The following PHKG2 variants were observed in gnomAD, a reference collection of about 807,000 sequenced individuals.
PHKG2 encodes phosphorylase b kinase gamma catalytic chain, liver/testis isoform.
Under a neutral mutation model 44.5 loss-of-function variants are expected in PHKG2, and 28 were observed. The observed-to-expected ratio is 0.63, with a 90% CI of 0.47 to 0.86. The LOEUF is 0.86. Ranked by LOEUF, PHKG2 falls within the 40% of genes least tolerant of loss-of-function variation. PHKG2 has a pLI of 0.00. For synonymous variants in PHKG2, 220 were observed against 211.2 expected (o/e 1.04, Z -0.36); for missense variants, 498 against 547.5 (o/e 0.91, Z 0.90).
chr16:30,759,295 G>A lies in PHKG2; in HGVS notation c.*2198G>A. Reference sequence around the variant, plus strand: ...GCTGAAAGGAGTGCACCTGTGCTGAGGGGAGGGGCGGTTGAGGGTGGCTCC... The same window carrying A: ...GCTGAAAGGAGTGCACCTGTGCTGAAGGGAGGGGCGGTTGAGGGTGGCTCC... On this transcript the variant is annotated 3_prime_UTR_variant, in exon 10 of 10. Coordinates refer to ENST00000563588, the MANE Select transcript of PHKG2 (RefSeq NM_000294.3). 6.2e-7 allele frequency: 1 copy of A among 1,613,066 alleles called. No individual in the cohort carries two copies. Among genetic ancestry groups the A allele is most frequent in the East Asian group, 2.2e-5 (1 of 44,862 alleles).
intron 2 of PHKG2, 83 bp from the exon 3 acceptor site, chr16:30,751,023 G>C (rs190100122): frequency 7.1e-7 from 1 of 1,402,872 alleles, no homozygotes; most frequent in Admixed American, 1.7e-5. Flanking sequence ...CTGGCACAGC[G>C]GGCATGAGGA....
rs148776797 is a variant in PHKG2, at chr16:30,756,497, C to T, written c.778C>T (p.Arg260Cys). 8.7e-6 allele frequency: 14 copies of T among 1,613,134 alleles called. No homozygotes were observed. The highest frequency in any genetic ancestry group is 6.7e-5 in the Admixed American group (4 of 59,996). ...GTTCAGTTCCCCCGAGTGGGATGAC[C>T]GTTCCAGCACTGTCAAAGACCTGGT... is the stretch of plus-strand genomic sequence containing the variant. ...YQFSSPEWDD[R>C]SSTVKDLISR... The change falls in exon 8 of 10, where the codon CGT (arginine) becomes TGT (cysteine). Residue 260 changes from arginine to cysteine, a missense_variant. Physicochemically the swap from Arg to Cys is radical, Grantham distance 180. Transcript: ENST00000563588.
At position 30,753,420 on chromosome 16, in the gene PHKG2, C is replaced by T; in HGVS notation, c.419C>T (p.Ala140Val). The T allele has an allele frequency of 6.2e-7, 1 of 1,614,204 alleles. No individual in the cohort carries two copies. Among genetic ancestry groups the T allele is most frequent in the Non-Finnish European group, 8.5e-7 (1 of 1,180,034 alleles). Residue 140 changes from alanine to valine, a missense_variant, in exon 6 of 10, where the codon GCA becomes GTA. By Grantham distance (64) the Ala-to-Val change is moderately conservative. Transcript: ENST00000563588. ...TRSIMRSLLEAVSFLHANNIV... is the reference protein window; with the variant it reads ...TRSIMRSLLEVVSFLHANNIV... The stretch of plus-strand genomic sequence containing the variant: ...TCCATCATGCGGTCTCTGCTGGAAG[C>T]AGTGAGCTTTCTCCATGCCAACAAC...
intron 6 of PHKG2, 149 bp downstream of exon 6, chr16:30,753,706 T>C (rs958739424): frequency 2.0e-5 from 15 of 743,526 alleles, no homozygotes; most frequent in Non-Finnish European, 2.2e-6. Context: ...GCGCAAAGCC[T>C]ATGTTTACCT....
chr16:30,754,846 C>G, intron 6 of PHKG2: 2 of 456,032 alleles, frequency 4.4e-6, no homozygotes, highest in Non-Finnish European at 4.4e-6. Context: ...ACACGTCTTA[C>G]TGTATTGTTA....
chr16:30,750,223 A>T (rs1269590875), intron 2 of PHKG2, among the ~76,000 whole-genome samples: 1 of 152,068 alleles, frequency 6.6e-6, no homozygotes, highest in Admixed American at 6.6e-5. Context: ...TAAAAAAAAA[A>T]TTGCACCGGC....
rs112113047 is a variant in PHKG2, at chr16:30,758,440, A to G, written c.*1343A>G. 3.1e-3 allele frequency: 491 copies of G among 160,094 alleles called. No homozygotes were observed. Among genetic ancestry groups the G allele is most frequent in the African/African-American group, 0.011 (464 of 41,562 alleles). The allele number at this position is 160,094 out of a possible 1,614,324, so 9.9% of individuals were successfully genotyped here. A position where few individuals can be genotyped will look rare whatever the true frequency, so the allele number is the denominator to read the frequency against. ...GAACATGCAGGTTTGCTACGTAGGT[A>G]TACATGGGCCATGGTGGTTTGCTTT... On this transcript the variant is annotated 3_prime_UTR_variant, in exon 10 of 10. Transcript: ENST00000563588.
Position 30,756,632 on chromosome 16 carries a change from G to C in PHKG2, c.844G>C (p.Ala282Pro). ...GGTGGATCCTGAGGCACGCCTGACAGCTGAGCAGGCCCTACAGCACCCCTT... is the reference window on the plus strand; with the variant it reads ...GGTGGATCCTGAGGCACGCCTGACACCTGAGCAGGCCCTACAGCACCCCTT... ...LQVDPEARLT[A>P]EQALQHPFFE... is the part of the protein sequence containing the mutation. The change falls in exon 9 of 10, where the codon GCT (alanine) becomes CCT (proline). Residue 282 changes from alanine (A) to proline (P), a missense_variant. By Grantham distance (27) the Ala-to-Pro change is conservative. Transcript: ENST00000563588. The C allele has an allele frequency of 1.2e-6, 2 of 1,614,060 alleles. No homozygotes were observed. The highest frequency in any genetic ancestry group is 8.5e-7 in the Non-Finnish European group (1 of 1,180,024).
chr16:30,749,106 C>CTGCTGCTGCTGGTGCTGCTGG lies in PHKG2; in HGVS notation c.95+196_95+197insCTGCTGGTGCTGCTGGTGCTG, dbSNP rs1567259550. ...GGTGGTGGTGCTGCTGCTGCTGCTG[C>CTGCTGCTGCTGGTGCTGCTGG]TGCTGGTGGTGCTGGTGCTGGTGGT... is the stretch of plus-strand genomic sequence containing the variant. On this transcript the variant is annotated intron_variant, in intron 2 of 9. Transcript: ENST00000563588. Among the ~76,000 whole-genome samples the CTGCTGCTGCTGGTGCTGCTGG allele has an allele frequency of 5.9e-5, 3 of 50,524 alleles. 1 individual carries two copies. The highest frequency in any genetic ancestry group is 3.9e-4 in the African/African-American group (3 of 7,774). The allele number at this position is 50,524 out of a possible 152,430, so 33.1% of individuals were successfully genotyped here.
In PHKG2 at chr16:30,757,107, C is replaced by G; in HGVS notation, c.*10C>G. On this transcript the variant is annotated 3_prime_UTR_variant, in exon 10 of 10. Coordinates refer to ENST00000563588, the MANE Select transcript of PHKG2 (RefSeq NM_000294.3). ...GCTTGTGCTGGGCTAGGACCTCAAC[C>G]CCAGGGATTCCCAGGAAGCAGAACT... 6.2e-7 allele frequency: 1 copy of G among 1,612,748 alleles called. No individual in the cohort carries two copies. The highest frequency in any genetic ancestry group is 8.5e-7 in the Non-Finnish European group (1 of 1,179,988).
At chr16:30,752,394 A>G (rs1196405405) in intron 4 of PHKG2, 2 of 149,102 alleles carry the variant, frequency 1.3e-5, no homozygotes, top group Admixed American at 1.3e-4. Flanking sequence ...TCTATCTCCA[A>G]AAAAAAAGAG....
chr16:30,748,678 A>ACCCCCCCCCCCCCCCCCCC, intron 1 of PHKG2, 125 bp from the exon 2 acceptor site: 1 of 164,006 alleles, frequency 6.1e-6, no homozygotes, highest in Non-Finnish European at 1.3e-5. Flanking sequence ...TCCTTCCCCC[A>ACCCCCCCCCCCCCCCCCCC]CCCCCCCCCA....
rs1161416543 is a variant in PHKG2 at position 30,748,999 on chromosome 16, GGGTGGTGGTGGTGGTGGTGGTGGTGGT to G, written c.95+149_95+175del. On this transcript the variant is annotated intron_variant, in intron 2 of 9. Transcript: ENST00000563588. ...TCCGTTTGAAGGCTGGAGAGTTCGC[GGGTGGTGGTGGTGGTGGTGGTGGTGGT>G]GGTGGTGGTGGTGGTGGTGGTGGTG... 1.1e-3 allele frequency: 623 copies of G among 550,410 alleles called. 40 individuals are homozygous for G. Among genetic ancestry groups the G allele is most frequent in the African/African-American group, 2.5e-3 (85 of 33,888 alleles). 34.1% of individuals were successfully genotyped at this position (550,410 alleles called of 1,614,324 possible). A position where few individuals can be genotyped will look rare whatever the true frequency, so the allele number is the denominator to read the frequency against.
At chr16:30,750,978 C>T (rs2151306787) in intron 2 of PHKG2, 128 bp from the exon 3 acceptor site, 1 of 959,780 alleles carries the variant, frequency 1.0e-6, no homozygotes, top group East Asian at 2.5e-5. Flanking sequence ...AGCTCCTAAG[C>T]TTGTTGCCCT....
chr16:30,752,677 CAG>C (rs1483654286), intron 4 of PHKG2: 10 of 157,296 alleles, frequency 6.4e-5, no homozygotes, highest in Admixed American at 1.9e-4. Context: ...CTGCAAAAGT[CAG>C]AGGGGACGTA....
Position 30,751,294 on chromosome 16 carries a change from TC to T in PHKG2, c.271+15del, listed in dbSNP as rs1465897884. The T allele has an allele frequency of 6.2e-7, 1 of 1,607,756 alleles. No individual in the cohort carries two copies. The highest frequency in any genetic ancestry group is 8.5e-7 in the Non-Finnish European group (1 of 1,179,880). On this transcript the variant is annotated intron_variant, in intron 3 of 9. Transcript: ENST00000563588. Reference sequence around the variant, plus strand: ...CACCCCCACATCAGTGAGGCTGTCTTCCTTGCTCCTGTTAGCAGACGACCCC... The same window carrying T: ...CACCCCCACATCAGTGAGGCTGTCTTCTTGCTCCTGTTAGCAGACGACCCC...
chr16:30,752,775 T>C (rs1473533889), intron 4 of PHKG2: 5 of 290,324 alleles, frequency 1.7e-5, no homozygotes, highest in African/African-American at 1.1e-4. Flanking sequence ...TGAGGACTGA[T>C]GCAGAGTGCA....
At chr16:30,753,173 C>T (rs759012661) in intron 4 of PHKG2, 59 bp from the exon 5 acceptor site, 2 of 1,306,388 alleles carry the variant, frequency 1.5e-6, no homozygotes, top group Non-Finnish European at 2.2e-6. Context: ...GAGCACTGGT[C>T]TGTTTTCTCA....
chr16:30,758,956 C>A lies in PHKG2; in HGVS notation c.*1859C>A, dbSNP rs2053553973. On this transcript the variant is annotated 3_prime_UTR_variant, in exon 10 of 10. Coordinates refer to ENST00000563588, the MANE Select transcript of PHKG2 (RefSeq NM_000294.3). ...CTGAAGTCCTGATGTCATCCAAACC[C>A]TTCATTCTACACCTGCTCAGAGGGA... is the stretch of plus-strand genomic sequence containing the variant. The A allele has an allele frequency of 3.1e-6, 5 of 1,604,658 alleles. No homozygotes were observed. Among genetic ancestry groups the A allele is most frequent in the Non-Finnish European group, 4.3e-6 (5 of 1,176,194 alleles).
Sources: allele counts gnomAD v4.1 joint callset (sites outside exome capture counted in the v4.1 genomes callset), GRCh38; gene constraint gnomAD v4.1.1; transcripts MANE v1.5; gene names NCBI Gene and HGNC (gene_info 2026-07-23, HGNC 2026-07-21).